The following GCNA variants were observed in gnomAD, a reference collection of about 807,000 sequenced individuals.
GCNA encodes the protein germ cell nuclear acidic protein.
In GCNA, 3 loss-of-function variants were observed where a neutral mutation model predicts 38.8. That is an observed-to-expected ratio of 0.08 (90% confidence interval 0.04 to 0.20). GCNA has a LOEUF of 0.20. GCNA is among the 10% of genes least tolerant of loss of function. The probability of loss-of-function intolerance (pLI) is 1.00; values close to 1 mark genes in which losing one functional copy is unlikely to be tolerated. For synonymous variants in GCNA, 195 were observed against 240.2 expected (o/e 0.81, Z 1.74); for missense variants, 446 against 578.6 (o/e 0.77, Z 2.35).
chrX:71,579,045 G>A (rs1338115579), intron 1 of GCNA, among the ~76,000 whole-genome samples: 2 of 106,287 alleles, frequency 1.9e-5, no homozygotes, highest in Non-Finnish European at 3.9e-5. Flanking sequence ...AGAAGTAGGG[G>A]CACCATTGGC....
intron 1 of GCNA, among the ~76,000 whole-genome samples, chrX:71,579,496 G>A (rs1473648344): frequency 9.9e-6 from 1 of 100,922 alleles, no homozygotes; most frequent in Non-Finnish European, 2.0e-5. Flanking sequence ...GCTGGTGGGC[G>A]TGGGGAGAAG....
intron 9 of GCNA, among the ~76,000 whole-genome samples, chrX:71,606,911 C>A (rs2040772762): frequency 8.9e-6 from 1 of 112,101 alleles, no homozygotes; most frequent in South Asian, 3.7e-4. Context: ...CTGCATTATC[C>A]AAAGGAGGCT....
chrX:71,592,311 C>A (rs1339447531), intron 3 of GCNA, 143 bp downstream of exon 3: 26 of 495,452 alleles, frequency 5.2e-5, no homozygotes, highest in African/African-American at 4.8e-4. Flanking sequence ...TGAAATTTCC[C>A]TACTGTCAGG....
rs139849576 is a variant in GCNA at position 71,604,264 on chromosome X, T to C, written c.987T>C (p.Ser329=). Residue 329 remains serine, a synonymous_variant, in exon 8 of 13, where the codon AGT becomes AGC. Transcript: ENST00000373696. ...ATTCGGATGTTCCCGATGACAATAGTGATGATTTGGAAGTTCCTGTGCCAG... is the reference window on the plus strand; with the variant it reads ...ATTCGGATGTTCCCGATGACAATAGCGATGATTTGGAAGTTCCTGTGCCAG... ...SDDSDVPDDN[S]DDLEVPVPAE... The C allele has an allele frequency of 2.8e-4, 337 of 1,211,111 alleles. No homozygotes were observed. Among genetic ancestry groups the C allele is most frequent in the Non-Finnish European group, 3.6e-4 (320 of 895,464 alleles).
chrX:71,603,444 A>T, intron 7 of GCNA, 144 bp from the exon 8 acceptor site: 1 of 907,398 alleles, frequency 1.1e-6, no homozygotes, highest in Non-Finnish European at 1.5e-6. Flanking sequence ...TGTCTCCTTT[A>T]AAATAACCGA....
intron 7 of GCNA, among the ~76,000 whole-genome samples, chrX:71,600,104 A>C (rs2040701303): frequency 8.9e-6 from 1 of 111,953 alleles, no homozygotes; most frequent in Admixed American, 9.5e-5. Flanking sequence ...AACAGACTTC[A>C]AAGAGTGTGT....
chrX:71,588,205 TTTC>T (rs1372324912), intron 2 of GCNA, among the ~76,000 whole-genome samples: 4 of 112,103 alleles, frequency 3.6e-5, no homozygotes, highest in Non-Finnish European at 7.5e-5. Flanking sequence ...TCATTCTTTT[TTTC>T]TTTTTTGTAG....
At chrX:71,608,837 T>C in intron 9 of GCNA, 136 bp from the exon 10 acceptor site, 2 of 755,023 alleles carry the variant, frequency 2.6e-6, no homozygotes, top group South Asian at 3.0e-5. Flanking sequence ...AAATGAAGGC[T>C]TGGGAAATGC....
At chrX:71,589,737 T>A (rs2040612872) in intron 2 of GCNA, among the ~76,000 whole-genome samples, 1 of 109,816 alleles carries the variant, frequency 9.1e-6, no homozygotes, top group Admixed American at 9.7e-5. Context: ...AGTGCTGGGA[T>A]TACAGGCATG....
At position 71,609,191 on chromosome X, in the gene GCNA, C is replaced by T. The variant is rs1219290949; in HGVS notation, c.1611+74C>T. 3.9e-6 allele frequency: 4 copies of T among 1,022,022 alleles called. No individual in the cohort carries two copies. The African/African-American group carries it at 7.6e-5, about 19-fold the overall frequency. 84.2% of individuals were successfully genotyped at this position (1,022,022 alleles called of 1,213,427 possible). ...CTCTTGGTGCTGTGAGGTGTGCTAA[C>T]CATGTATACTTCCTGCCCTTGAGCA... On this transcript the variant is annotated intron_variant, in intron 10 of 12. Transcript: ENST00000373696.
Position 71,612,876 on chromosome X carries a change from C to A in GCNA, c.1970C>A (p.Thr657Asn). ...TTCCTTCCCAGGATTGGCTGCTACA[C>A]CAAATCGTTGGACACCAGCCGCTTC... ...TGCKTRIGCY[T>N]KSLDTSRFIC... Residue 657 changes from threonine to asparagine, a missense_variant, in exon 13 of 13, where the codon ACC becomes AAC. Thr to Asn is a moderately conservative substitution (Grantham distance 65). Transcript: ENST00000373696. 1 of 1,211,017 alleles carries A rather than the reference C, an allele frequency of 8.3e-7. No homozygotes were observed. The highest frequency in any genetic ancestry group is 1.1e-6 in the Non-Finnish European group (1 of 895,225).
At chrX:71,586,727 A>G (rs2040588417) in intron 2 of GCNA, among the ~76,000 whole-genome samples, 1 of 110,843 alleles carries the variant, frequency 9.0e-6, no homozygotes, top group African/African-American at 3.3e-5. Context: ...TTCCAGCCTC[A>G]GCCTCCCAAG....
rs111319528 is a variant in GCNA at position 71,585,679 on chromosome X, A to T, written c.59+4799A>T. Among the ~76,000 whole-genome samples, 294 of 109,930 alleles carry T rather than the reference A, an allele frequency of 2.7e-3. 1 individual carries two copies. Among genetic ancestry groups the T allele is most frequent in the Middle Eastern group, 4.6e-3 (1 of 217 alleles). On this transcript the variant is annotated intron_variant, in intron 2 of 12. Coordinates refer to ENST00000373696, the MANE Select transcript of GCNA (RefSeq NM_052957.5). ...GAGCATTGTATTTTCACTAACGAAG[A>T]TAAGACTGTTAGCTTGTTTTTTACT...
intron 7 of GCNA, among the ~76,000 whole-genome samples, chrX:71,602,489 T>A (rs12011191): frequency 0.011 from 1,289 of 112,184 alleles, 16 homozygotes; most frequent in African/African-American, 0.04. Flanking sequence ...GTCTGGTCAT[T>A]CATTGTAGTT....
At chrX:71,584,729 G>A (rs1276931680) in intron 2 of GCNA, among the ~76,000 whole-genome samples, 2 of 110,251 alleles carry the variant, frequency 1.8e-5, no homozygotes, top group African/African-American at 6.6e-5. Flanking sequence ...TTAGCTGGGC[G>A]TGGTGGCAGG....
intron 9 of GCNA, among the ~76,000 whole-genome samples, chrX:71,607,446 A>C (rs144472102): frequency 7.6e-4 from 85 of 112,271 alleles, no homozygotes; most frequent in Middle Eastern, 9.2e-3. Context: ...AACTTGCTGC[A>C]TTTGCTCCCA....
chrX:71,581,707 A>T (rs2040547889), intron 2 of GCNA, among the ~76,000 whole-genome samples: 1 of 112,146 alleles, frequency 8.9e-6, no homozygotes, highest in South Asian at 3.7e-4. Context: ...TAGATTACAC[A>T]TGGATCAAAT....
intron 2 of GCNA, among the ~76,000 whole-genome samples, chrX:71,581,667 T>C (rs1008360638): frequency 2.7e-5 from 3 of 112,085 alleles, no homozygotes; most frequent in African/African-American, 9.7e-5. Flanking sequence ...AAATGAGACT[T>C]GGGTTTTTGC....
intron 7 of GCNA, among the ~76,000 whole-genome samples, chrX:71,602,391 T>C (rs2040722749): frequency 9.0e-6 from 1 of 111,342 alleles, no homozygotes; most frequent in African/African-American, 3.3e-5. Flanking sequence ...TCTGCCATGT[T>C]GGCCAGGCTG....
Sources: gnomAD v4.1 joint callset for allele counts (sites outside exome capture counted in the v4.1 genomes callset) on GRCh38, gnomAD v4.1.1 for gene constraint, MANE v1.5 for transcripts, NCBI Gene and HGNC (gene_info 2026-07-23, HGNC 2026-07-21) for gene names.